The following FOXP2 variants were observed in gnomAD, a reference collection of about 807,000 sequenced individuals.
The protein encoded by FOXP2 is forkhead box protein P2.
Under a neutral mutation model 115.8 loss-of-function variants are expected in FOXP2, and 12 were observed. That is an observed-to-expected ratio of 0.10 (90% CI 0.07 to 0.17). FOXP2 has a LOEUF of 0.17. Ranked by LOEUF, FOXP2 falls within the 10% of genes least tolerant of loss-of-function variation. The pLI is 1.00. For missense variants in FOXP2, 629 were observed against 843.5 expected (o/e 0.75, Z 3.15); for synonymous variants, 328 against 297.7 (o/e 1.10, Z -1.05).
intron 1 of FOXP2, among the ~76,000 whole-genome samples, chr7:114,164,327 G>T (rs1792916818): frequency 6.6e-6 from 1 of 150,626 alleles, no homozygotes; most frequent in Non-Finnish European, 1.5e-5. Context: ...GGACTTAGAT[G>T]TTCAGTTCAA....
chr7:114,128,422 CTT>C (rs775767541), intron 1 of FOXP2, among the ~76,000 whole-genome samples: 53 of 135,426 alleles, frequency 3.9e-4, no homozygotes, highest in Middle Eastern at 3.8e-3. Context: ...TTTTAAATTT[CTT>C]TTTTTTTTTT....
chr7:114,307,664 C>T (rs1031063051), intron 2 of FOXP2, among the ~76,000 whole-genome samples: 3 of 152,152 alleles, frequency 2.0e-5, no homozygotes, highest in Admixed American at 6.5e-5. Flanking sequence ...CTATGATTGC[C>T]ATACATTTCA....
At chr7:114,400,747 A>C (rs146133117) in intron 2 of FOXP2, among the ~76,000 whole-genome samples, 154 of 152,210 alleles carry the variant, frequency 1.0e-3, no homozygotes, top group African/African-American at 3.4e-3. Flanking sequence ...TGAGGACTTA[A>C]TGCTACCACT....
intron 1 of FOXP2, among the ~76,000 whole-genome samples, chr7:114,242,741 G>A (rs1795185991): frequency 6.6e-6 from 1 of 152,090 alleles, no homozygotes; most frequent in Non-Finnish European, 1.5e-5. Flanking sequence ...AAACATCAAA[G>A]AAAGAACAGA....
intron 3 of FOXP2, among the ~76,000 whole-genome samples, chr7:114,617,161 C>A (rs1009349883): frequency 6.6e-6 from 1 of 152,124 alleles, no homozygotes; most frequent in Non-Finnish European, 1.5e-5. Context: ...TTCTACAGGA[C>A]CCTTAAATTT....
chr7:114,402,905 C>T (rs1241250475), intron 2 of FOXP2, among the ~76,000 whole-genome samples: 1 of 152,016 alleles, frequency 6.6e-6, no homozygotes, highest in Non-Finnish European at 1.5e-5. Context: ...CCTAGGCCTC[C>T]CAAAATGCTG....
intron 8 of FOXP2, among the ~76,000 whole-genome samples, chr7:114,651,119 T>C (rs1420074192): frequency 6.6e-6 from 1 of 152,064 alleles, no homozygotes; most frequent in East Asian, 1.9e-4. Flanking sequence ...ATTTGTTGAA[T>C]TCAGTATACC....
At chr7:114,413,712 A>T (rs960160670), upstream of FOXP2, among the ~76,000 whole-genome samples, 4 of 152,138 alleles carry the variant, frequency 2.6e-5, no homozygotes, top group Non-Finnish European at 4.4e-5. Context: ...AGAAGCAGTT[A>T]TTTTAAGTAC....
At chr7:114,617,797 G>A (rs1449852501) in intron 3 of FOXP2, among the ~76,000 whole-genome samples, 1 of 152,074 alleles carries the variant, frequency 6.6e-6, no homozygotes, top group Non-Finnish European at 1.5e-5. Flanking sequence ...TTCTCAAAAA[G>A]GGAAAAGTAA....
intron 1 of FOXP2, among the ~76,000 whole-genome samples, chr7:114,207,147 C>G (rs751760807): frequency 1.6e-4 from 24 of 152,104 alleles, no homozygotes; most frequent in South Asian, 1.5e-3. Flanking sequence ...TACTTCATTC[C>G]TTTTTCTGGC....
rs553344846 is a variant in FOXP2 at position 114,327,333 on chromosome 7, C to A, written c.-11+39224C>A. On this transcript the variant is annotated intron_variant, in intron 2 of 17. Transcript: ENST00000634411. ...ATGAGTGAATGAACAAATGAAGTAG[C>A]ATTAAAATTCTTATCTGGTCTATCA... Among the ~76,000 whole-genome samples, 41 of 152,164 alleles carry A rather than the reference C, an allele frequency of 2.7e-4. No homozygotes were observed. In the South Asian group the frequency reaches 6.8e-3, roughly 25 times the overall value.
chr7:114,571,906 T>C (rs537780736), intron 3 of FOXP2, among the ~76,000 whole-genome samples: 1 of 151,906 alleles, frequency 6.6e-6, no homozygotes, highest in African/African-American at 2.4e-5. Flanking sequence ...AACTGATGTA[T>C]TTATTTAGGC....
chr7:114,445,467 G>A (rs1335843428), intron 2 of FOXP2, among the ~76,000 whole-genome samples: 1 of 152,076 alleles, frequency 6.6e-6, no homozygotes, highest in East Asian at 1.9e-4. Flanking sequence ...TTTTTAGTGT[G>A]TTGTGTTTCT....
At chr7:114,103,113 A>G (rs113256324) in intron 1 of FOXP2, among the ~76,000 whole-genome samples, 4 of 152,218 alleles carry the variant, frequency 2.6e-5, no homozygotes, top group African/African-American at 9.6e-5. Context: ...AATGTGAGAA[A>G]TGTCTCCAGA....
chr7:114,121,965 C>T (rs1376289548), intron 1 of FOXP2, among the ~76,000 whole-genome samples: 2 of 152,014 alleles, frequency 1.3e-5, no homozygotes, highest in African/African-American at 2.4e-5. Context: ...AACTGCCCCT[C>T]GGTAGGGGTA....
chr7:114,637,848 C>T (rs1805307993), intron 6 of FOXP2, among the ~76,000 whole-genome samples: 1 of 151,970 alleles, frequency 6.6e-6, no homozygotes, highest in Admixed American at 6.6e-5. Flanking sequence ...TAGAGCAAGG[C>T]CTTTTCTTTG....
chr7:114,567,659 G>T (rs1338218139), intron 3 of FOXP2, among the ~76,000 whole-genome samples: 1 of 152,012 alleles, frequency 6.6e-6, no homozygotes, highest in East Asian at 1.9e-4. Flanking sequence ...CTTGTGATTT[G>T]CTGGAGTTAT....
intron 1 of FOXP2, among the ~76,000 whole-genome samples, chr7:114,118,420 G>T (rs1212075115): frequency 6.6e-6 from 1 of 151,300 alleles, no homozygotes; most frequent in Non-Finnish European, 1.5e-5. Context: ...GTAAATGACG[G>T]GTTATATATC....
intron 1 of FOXP2, among the ~76,000 whole-genome samples, chr7:114,187,122 A>G (rs1164983533): frequency 6.6e-6 from 1 of 152,208 alleles, no homozygotes; most frequent in African/African-American, 2.4e-5. Context: ...TCAAATGGTC[A>G]CTGGGCTGCA....
Sources: gnomAD v4.1 joint callset for allele counts (sites outside exome capture counted in the v4.1 genomes callset) on GRCh38, gnomAD v4.1.1 for gene constraint, MANE v1.5 for transcripts, NCBI Gene and HGNC (gene_info 2026-07-23, HGNC 2026-07-21) for gene names.